STARD3NL: variants seen among roughly 807,000 people sequenced by gnomAD.
STARD3NL encodes the protein STARD3 N-terminal-like protein.
Under a neutral mutation model 30.9 loss-of-function variants are expected in STARD3NL, and 17 were observed. The ratio of observed to expected loss-of-function variants is 0.55; its 90% CI spans 0.38 to 0.82. STARD3NL has a LOEUF of 0.82. Among genes scored for constraint, STARD3NL ranks in the 40% least tolerant of loss-of-function variants. The pLI, the probability that STARD3NL is intolerant of heterozygous loss-of-function variation, is 0.00. For synonymous variants in STARD3NL, 112 were observed against 100.5 expected (o/e 1.11, Z -0.69); for missense variants, 234 against 277.6 (o/e 0.84, Z 1.12).
chr7:38,228,880 T>C lies in STARD3NL; in HGVS notation c.*17+9T>C, dbSNP rs1242455231. 1 of 1,596,166 alleles carries C rather than the reference T, an allele frequency of 6.3e-7. No individual in the cohort carries two copies. The highest frequency in any genetic ancestry group is 1.7e-5 in the Admixed American group (1 of 59,688). ...GTACTACTTTTGTTAAAGTAAGTGTTTGAAATGAAACCATAACAACAAAGT... is the reference window on the plus strand; with the variant it reads ...GTACTACTTTTGTTAAAGTAAGTGTCTGAAATGAAACCATAACAACAAAGT... On this transcript the variant is annotated intron_variant, in intron 8 of 8. Coordinates refer to ENST00000009041, the MANE Select transcript of STARD3NL (RefSeq NM_032016.4).
chr7:38,195,556 C>T (rs962485718), intron 1 of STARD3NL, among the ~76,000 whole-genome samples: 1 of 152,262 alleles, frequency 6.6e-6, no homozygotes. Flanking sequence ...TCAGAATAAA[C>T]AAATTATTGT....
intron 1 of STARD3NL, among the ~76,000 whole-genome samples, chr7:38,185,608 T>C (rs1214077969): frequency 6.6e-6 from 1 of 152,166 alleles, no homozygotes; most frequent in African/African-American, 2.4e-5. Flanking sequence ...GATGGCTCTG[T>C]CAACTGGAGT....
intron 7 of STARD3NL, among the ~76,000 whole-genome samples, chr7:38,224,202 GT>G (rs1382269484): frequency 6.6e-6 from 1 of 152,166 alleles, no homozygotes; most frequent in South Asian, 2.1e-4. Flanking sequence ...GTATCCACAA[GT>G]TGATGGACAT....
chr7:38,209,259 A>G (rs937778467), intron 2 of STARD3NL, among the ~76,000 whole-genome samples: 11 of 152,082 alleles, frequency 7.2e-5, no homozygotes, highest in African/African-American at 2.7e-4. Flanking sequence ...TAGCTATGTA[A>G]TGAGAGATGA....
chr7:38,226,038 G>C (rs751116903), intron 7 of STARD3NL, among the ~76,000 whole-genome samples: 2 of 151,934 alleles, frequency 1.3e-5, no homozygotes, highest in Admixed American at 6.6e-5. Context: ...TATGCTTGAT[G>C]TCTCTGAGCA....
chr7:38,184,150 T>A (rs1407034828), intron 1 of STARD3NL, among the ~76,000 whole-genome samples: 2 of 152,184 alleles, frequency 1.3e-5, no homozygotes, highest in East Asian at 3.8e-4. Context: ...ATATTATACA[T>A]ACGTGGTCAG....
At chr7:38,186,272 G>A (rs1222979943) in intron 1 of STARD3NL, among the ~76,000 whole-genome samples, 3 of 152,170 alleles carry the variant, frequency 2.0e-5, no homozygotes, top group African/African-American at 2.4e-5. Context: ...TGGTAACTTC[G>A]CACTAGCCAT....
Position 38,217,039 on chromosome 7 carries a change from G to A in STARD3NL, c.396G>A (p.Val132=). ...GTGTCTTGCAGTTGACAACGGCAGTGACCAGTGCCTTTTTACTAGCAAAAG... is the reference window on the plus strand; with the variant it reads ...GTGTCTTGCAGTTGACAACGGCAGTAACCAGTGCCTTTTTACTAGCAAAAG... ...HWWAIALTTA[V]TSAFLLAKVI... is the part of the protein sequence containing the mutation. Residue 132 remains valine, a synonymous_variant, in exon 5 of 9, where the codon GTG becomes GTA. Transcript: ENST00000009041. The A allele has an allele frequency of 6.2e-7, 1 of 1,614,100 alleles. No individual in the cohort carries two copies. The highest frequency in any genetic ancestry group is 8.5e-7 in the Non-Finnish European group (1 of 1,179,960).
chr7:38,228,589 TGTAA>T (rs1329433948), intron 7 of STARD3NL, among the ~76,000 whole-genome samples: 1 of 152,230 alleles, frequency 6.6e-6, no homozygotes, highest in African/African-American at 2.4e-5. Context: ...GACAGATTAG[TGTAA>T]GTGATAGATT....
chr7:38,185,001 C>T (rs1007771394), intron 1 of STARD3NL, among the ~76,000 whole-genome samples: 5 of 151,912 alleles, frequency 3.3e-5, no homozygotes, highest in Non-Finnish European at 7.4e-5. Context: ...TTCTCTGCCT[C>T]TGTAACGTGC....
Position 38,217,227 on chromosome 7 carries a change from A to G in STARD3NL, c.475A>G (p.Ile159Val). 6.2e-7 allele frequency: 1 copy of G among 1,613,920 alleles called. No homozygotes were observed. The highest frequency in any genetic ancestry group is 1.1e-5 in the South Asian group (1 of 91,078). The change falls in exon 6 of 9, where the codon ATT (isoleucine) becomes GTT (valine). Residue 159 changes from isoleucine to valine, a missense_variant. Coordinates refer to ENST00000009041, the MANE Select transcript of STARD3NL (RefSeq NM_032016.4). ...GGCTTTTGGCTATGTGCTGCCCATCATTTCATTCATCCTTGCCTGGATTGA... is the reference window on the plus strand; with the variant it reads ...GGCTTTTGGCTATGTGCTGCCCATCGTTTCATTCATCCTTGCCTGGATTGA... Reference protein sequence around the residue: ...QGAFGYVLPIISFILAWIETW... With the variant: ...QGAFGYVLPIVSFILAWIETW...
chr7:38,185,675 GA>G (rs1257312830), intron 1 of STARD3NL, among the ~76,000 whole-genome samples: 4 of 152,162 alleles, frequency 2.6e-5, no homozygotes, highest in Non-Finnish European at 2.9e-5. Context: ...GTTGTTGAAT[GA>G]AAAGAAACCT....
chr7:38,183,787 A>G (rs1223882508), intron 1 of STARD3NL, among the ~76,000 whole-genome samples: 1 of 152,206 alleles, frequency 6.6e-6, no homozygotes, highest in Non-Finnish European at 1.5e-5. Context: ...TAAAACAGGG[A>G]CCTGACCTAA....
At chr7:38,192,256 T>C (rs570612383) in intron 1 of STARD3NL, among the ~76,000 whole-genome samples, 2 of 152,160 alleles carry the variant, frequency 1.3e-5, no homozygotes, top group South Asian at 2.1e-4. Context: ...CACAAAATCA[T>C]AAAAGTGAGC....
At chr7:38,181,203 A>G (rs904736208) in intron 1 of STARD3NL, among the ~76,000 whole-genome samples, 5 of 152,182 alleles carry the variant, frequency 3.3e-5, no homozygotes, top group African/African-American at 1.2e-4. Flanking sequence ...AATTTTAGAA[A>G]TGTTTGAAAA....
intron 1 of STARD3NL, among the ~76,000 whole-genome samples, chr7:38,197,583 A>C (rs1784984478): frequency 6.6e-6 from 1 of 152,196 alleles, no homozygotes; most frequent in Non-Finnish European, 1.5e-5. Flanking sequence ...TCATGTAGGC[A>C]GACATTAAGC....
chr7:38,187,636 T>A (rs1373688281), intron 1 of STARD3NL, among the ~76,000 whole-genome samples: 2 of 152,132 alleles, frequency 1.3e-5, no homozygotes, highest in African/African-American at 4.8e-5. Flanking sequence ...ATTTATTAGT[T>A]TTTTTTTCAT....
chr7:38,194,434 G>A (rs189076381), intron 1 of STARD3NL, among the ~76,000 whole-genome samples: 73 of 152,018 alleles, frequency 4.8e-4, no homozygotes, highest in Non-Finnish European at 8.1e-4. Flanking sequence ...TGTATTCATT[G>A]TTTTTCTTTT....
chr7:38,192,392 G>A (rs1784724417), intron 1 of STARD3NL, among the ~76,000 whole-genome samples: 1 of 152,170 alleles, frequency 6.6e-6, no homozygotes, highest in Non-Finnish European at 1.5e-5. Context: ...GGGGCAGAGA[G>A]GGTTAGAAGA....
Sources: gnomAD v4.1 joint callset for allele counts (sites outside exome capture counted in the v4.1 genomes callset) on GRCh38, gnomAD v4.1.1 for gene constraint, MANE v1.5 for transcripts, NCBI Gene and HGNC (gene_info 2026-07-23, HGNC 2026-07-21) for gene names.